HDAC9: variants seen among roughly 807,000 people sequenced by gnomAD.
HDAC9 encodes the protein MEF-2 interacting transcription repressor (MITR) protein.
In HDAC9, 41 loss-of-function variants were observed where a neutral mutation model predicts 139.4. The observed-to-expected ratio is 0.29, with a 90% CI of 0.23 to 0.38. The LOEUF is 0.38. Among genes scored for constraint, HDAC9 ranks in the 10% least tolerant of loss-of-function variants. The probability of loss-of-function intolerance (pLI) is 1.00; values close to 1 mark genes in which losing one functional copy is unlikely to be tolerated. For synonymous variants in HDAC9, 517 were observed against 476.2 expected (o/e 1.09, Z -1.12); for missense variants, 1,147 against 1,297.0 (o/e 0.88, Z 1.78).
intron 1 of HDAC9, among the ~76,000 whole-genome samples, chr7:18,132,810 G>A (rs1785105902): frequency 6.6e-6 from 1 of 152,126 alleles, no homozygotes. Flanking sequence ...AAGGTGATTG[G>A]TGCAAGACCT....
At position 19,000,937 on chromosome 7, in the gene HDAC9, T is replaced by C. The variant is rs540802762; in HGVS notation, c.*4875T>C. 6.6e-6 allele frequency: 1 copy of C among 152,330 alleles called. No individual in the cohort carries two copies. The highest frequency in any genetic ancestry group is 1.9e-4 in the East Asian group (1 of 5,186). 9.4% of individuals were successfully genotyped at this position (152,330 alleles called of 1,614,324 possible). On this transcript the variant is annotated 3_prime_UTR_variant, in exon 26 of 26. Coordinates refer to ENST00000686413, the MANE Select transcript of HDAC9 (RefSeq NM_178425.4). ...CTACTGTCTTTCATGCCATTTTATA[T>C]AAACATTTTGATAGATACTCTGTCT...
chr7:18,551,372 G>A (rs1209584440), intron 2 of HDAC9, among the ~76,000 whole-genome samples: 2 of 152,178 alleles, frequency 1.3e-5, no homozygotes, highest in African/African-American at 2.4e-5. Flanking sequence ...CCAACACATA[G>A]TGATATTTAT....
At chr7:18,138,915 A>G (rs1405370340) in intron 1 of HDAC9, among the ~76,000 whole-genome samples, 1 of 152,116 alleles carries the variant, frequency 6.6e-6, no homozygotes, top group African/African-American at 2.4e-5. Flanking sequence ...AGCATGAGAC[A>G]TGGTAATCTC....
intron 2 of HDAC9, among the ~76,000 whole-genome samples, chr7:18,529,486 T>G (rs1366122052): frequency 6.6e-6 from 1 of 152,184 alleles, no homozygotes; most frequent in African/African-American, 2.4e-5. Context: ...TGTATAGATT[T>G]CCAAAGTAGA....
chr7:18,234,211 T>C (rs1185395351), intron 2 of HDAC9, among the ~76,000 whole-genome samples: 1 of 152,164 alleles, frequency 6.6e-6, no homozygotes, highest in Non-Finnish European at 1.5e-5. Context: ...CTGGGAAAAG[T>C]AGGGCCAAAA....
At chr7:18,183,836 A>G (rs1231690334) in intron 2 of HDAC9, among the ~76,000 whole-genome samples, 2 of 152,172 alleles carry the variant, frequency 1.3e-5, no homozygotes, top group Non-Finnish European at 2.9e-5. Flanking sequence ...CATAAATGGT[A>G]AAGTATCCTG....
At chr7:18,368,741 C>T (rs1425905673) in intron 1 of HDAC9, among the ~76,000 whole-genome samples, 1 of 151,506 alleles carries the variant, frequency 6.6e-6, no homozygotes, top group Non-Finnish European at 1.5e-5. Context: ...AGGTTTCAGA[C>T]ACATGCTCAG....
At chr7:18,306,914 A>T (rs1223190286) in intron 1 of HDAC9, among the ~76,000 whole-genome samples, 1 of 152,080 alleles carries the variant, frequency 6.6e-6, no homozygotes, top group Non-Finnish European at 1.5e-5. Context: ...AAACTCCCTC[A>T]TGCAGCCATC....
intron 24 of HDAC9, among the ~76,000 whole-genome samples, chr7:18,957,961 A>T (rs1016026246): frequency 2.0e-5 from 3 of 152,172 alleles, no homozygotes; most frequent in East Asian, 3.9e-4. Flanking sequence ...AGATAGCCTT[A>T]TCCCAAGGCA....
At position 19,002,038 on chromosome 7, in the gene HDAC9, C is replaced by A. The variant is rs1321659832; in HGVS notation, c.*5976C>A. Reference sequence around the variant, plus strand: ...GATCAGTTTGTTGTCCTCTGTGCACCAGTGGTTTTGCCCTTAATTTTTTTT... The same window carrying A: ...GATCAGTTTGTTGTCCTCTGTGCACAAGTGGTTTTGCCCTTAATTTTTTTT... On this transcript the variant is annotated 3_prime_UTR_variant, in exon 26 of 26. Transcript: ENST00000686413. 6.6e-6 allele frequency: 1 copy of A among 151,970 alleles called. No individual in the cohort carries two copies. Among genetic ancestry groups the A allele is most frequent in the African/African-American group, 2.4e-5 (1 of 41,396 alleles). 9.4% of individuals were successfully genotyped at this position (151,970 alleles called of 1,614,324 possible).
chr7:18,303,368 A>C (rs11978248), intron 1 of HDAC9, among the ~76,000 whole-genome samples: 1 of 132,802 alleles, frequency 7.5e-6, no homozygotes, highest in African/African-American at 2.6e-5. Flanking sequence ...CGCCACGCCC[A>C]GCCAATTTGT....
intron 1 of HDAC9, among the ~76,000 whole-genome samples, chr7:18,110,657 AC>A (rs1291066773): frequency 6.6e-6 from 1 of 152,176 alleles, no homozygotes; most frequent in Non-Finnish European, 1.5e-5. Context: ...GGTAGAGCAC[AC>A]CTGATAGATT....
intron 1 of HDAC9, among the ~76,000 whole-genome samples, chr7:18,387,638 A>G (rs1427854525): frequency 6.6e-6 from 1 of 152,246 alleles, no homozygotes; most frequent in Non-Finnish European, 1.5e-5. Context: ...GTATAGCACC[A>G]TTGCTCATCT....
At chr7:18,276,219 A>G (rs1489817327) in intron 2 of HDAC9, among the ~76,000 whole-genome samples, 2 of 152,168 alleles carry the variant, frequency 1.3e-5, no homozygotes, top group South Asian at 2.1e-4. Context: ...ACCTGTATGA[A>G]ACTAGGAATG....
intron 23 of HDAC9, among the ~76,000 whole-genome samples, chr7:18,938,230 C>CAAAAAAAA (rs71553939): frequency 2.7e-5 from 2 of 75,350 alleles, no homozygotes; most frequent in African/African-American, 5.2e-5. Context: ...GACTCCGTCT[C>CAAAAAAAA]AAAAAAAAAA....
chr7:18,547,227 A>G (rs1401683591), intron 2 of HDAC9, among the ~76,000 whole-genome samples: 1 of 151,612 alleles, frequency 6.6e-6, no homozygotes, highest in Non-Finnish European at 1.5e-5. Context: ...GGATAGGGTG[A>G]CTCTGACACT....
intron 22 of HDAC9, among the ~76,000 whole-genome samples, chr7:18,930,608 G>A (rs1029473546): frequency 7.7e-6 from 1 of 130,174 alleles, no homozygotes; most frequent in Non-Finnish European, 1.8e-5. Context: ...CAGAATTCAG[G>A]ATAATAAAAT....
intron 17 of HDAC9, among the ~76,000 whole-genome samples, chr7:18,798,702 G>T (rs1793019607): frequency 6.6e-6 from 1 of 152,154 alleles, no homozygotes; most frequent in South Asian, 2.1e-4. Flanking sequence ...TTTCTTAGAA[G>T]TATTTGTTGT....
At chr7:18,311,649 A>T (rs1585119447) in intron 1 of HDAC9, among the ~76,000 whole-genome samples, 1 of 152,154 alleles carries the variant, frequency 6.6e-6, no homozygotes, top group African/African-American at 2.4e-5. Flanking sequence ...CCTCGCTCAT[A>T]GTACTATATT....
Sources: gnomAD v4.1 joint callset for allele counts (sites outside exome capture counted in the v4.1 genomes callset) on GRCh38, gnomAD v4.1.1 for gene constraint, MANE v1.5 for transcripts, NCBI Gene and HGNC (gene_info 2026-07-23, HGNC 2026-07-21) for gene names.